The following ADGRB3 variants were observed in gnomAD, a reference collection of about 807,000 sequenced individuals.
ADGRB3 encodes the protein adhesion G protein-coupled receptor B3.
Under a neutral mutation model 193.4 loss-of-function variants are expected in ADGRB3, and 37 were observed. The observed-to-expected ratio is 0.19, with a 90% CI of 0.15 to 0.25. The LOEUF is 0.25. Ranked by LOEUF, ADGRB3 falls within the 10% of genes least tolerant of loss-of-function variation. ADGRB3 has a pLI of 1.00. For missense variants in ADGRB3, 1,637 were observed against 1,852.9 expected (o/e 0.88, Z 2.14); for synonymous variants, 690 against 644.2 (o/e 1.07, Z -1.08).
chr6:68,783,787 T>G (rs1766905905), intron 3 of ADGRB3, among the ~76,000 whole-genome samples: 1 of 152,062 alleles, frequency 6.6e-6, no homozygotes, highest in Non-Finnish European at 1.5e-5. Flanking sequence ...ATACCCAACC[T>G]GCAGAATTAG....
chr6:68,706,162 G>C (rs1272979155), intron 3 of ADGRB3, among the ~76,000 whole-genome samples: 1 of 152,148 alleles, frequency 6.6e-6, no homozygotes, highest in Non-Finnish European at 1.5e-5. Context: ...GTCAAGGATA[G>C]AGTCTTTTTC....
At chr6:69,099,140 T>C (rs1023941750) in intron 17 of ADGRB3, among the ~76,000 whole-genome samples, 2 of 152,342 alleles carry the variant, frequency 1.3e-5, no homozygotes, top group Admixed American at 6.5e-5. Flanking sequence ...GGGATGCCAC[T>C]GACATTTAGT....
chr6:68,653,976 T>C (rs1300860460), intron 3 of ADGRB3, among the ~76,000 whole-genome samples: 1 of 151,996 alleles, frequency 6.6e-6, no homozygotes, highest in Non-Finnish European at 1.5e-5. Context: ...AATTTATAAA[T>C]GTTGGTCTAT....
chr6:69,239,213 A>G lies in ADGRB3; in HGVS notation c.2801A>G (p.Gln934Arg), dbSNP rs1046627138. ...SNILILVGQT[Q>R]THNKSICTTT... ...ATCCTCATACTGGTTGGACAGACTCAGACACATAATAAGGTATGACTGGTA... is the reference window on the plus strand; with the variant it reads ...ATCCTCATACTGGTTGGACAGACTCGGACACATAATAAGGTATGACTGGTA... Residue 934 changes from glutamine to arginine, a missense_variant, in exon 20 of 32, where the codon CAG (glutamine) becomes CGG (arginine). By Grantham distance (43) the Gln-to-Arg change is conservative. Coordinates refer to ENST00000370598, the MANE Select transcript of ADGRB3 (RefSeq NM_001704.3). The G allele has an allele frequency of 2.6e-6, 4 of 1,566,168 alleles. No individual in the cohort carries two copies. In the African/African-American group the frequency reaches 5.4e-5, roughly 21 times the overall value.
At chr6:68,746,979 C>G (rs1582168226) in intron 3 of ADGRB3, among the ~76,000 whole-genome samples, 1 of 152,106 alleles carries the variant, frequency 6.6e-6, no homozygotes, top group East Asian at 1.9e-4. Context: ...CTTACAGCTT[C>G]CATAAGTCAC....
rs762083120 is a variant in ADGRB3, at chr6:68,975,322, C to T, written c.1716C>T (p.Tyr572=). 3 of 1,613,362 alleles carry T rather than the reference C, an allele frequency of 1.9e-6. No individual in the cohort carries two copies. Among genetic ancestry groups the T allele is most frequent in the African/African-American group, 1.3e-5 (1 of 74,884 alleles). ...PSFARCISNE[Y]RHLQHSIKEH... ...TTGCAAGATGCATATCAAATGAGTA[C>T]AGACACTTGCAGCATTCAGTAGGTG... Residue 572 remains tyrosine (Y), a synonymous_variant, in exon 10 of 32, where the codon TAC becomes TAT. Coordinates refer to ENST00000370598, the MANE Select transcript of ADGRB3 (RefSeq NM_001704.3).
At chr6:69,232,745 A>G in intron 17 of ADGRB3, 4 of 852,654 alleles carry the variant, frequency 4.7e-6, no homozygotes, top group Non-Finnish European at 7.2e-6. Flanking sequence ...CAGCTATTCT[A>G]AAAGGAGGAA....
chr6:68,642,203 C>T (rs1238839946), intron 3 of ADGRB3, among the ~76,000 whole-genome samples: 1 of 152,100 alleles, frequency 6.6e-6, no homozygotes, highest in African/African-American at 2.4e-5. Context: ...ATATCTTCAA[C>T]ATGTATTGTA....
chr6:68,939,958 A>T (rs1288908113), intron 5 of ADGRB3, among the ~76,000 whole-genome samples: 1 of 152,202 alleles, frequency 6.6e-6, no homozygotes. Flanking sequence ...GGAGTTATAG[A>T]ATTAGAAGTT....
intron 17 of ADGRB3, among the ~76,000 whole-genome samples, chr6:69,204,792 C>T (rs80322421): frequency 0.04 from 6,067 of 152,026 alleles, 163 homozygotes; most frequent in Non-Finnish European, 0.059. Context: ...TCTCTGACCC[C>T]GTTTCCAAGA....
At chr6:69,245,659 C>T (rs1018103975) in intron 20 of ADGRB3, among the ~76,000 whole-genome samples, 3 of 152,056 alleles carry the variant, frequency 2.0e-5, no homozygotes, top group African/African-American at 7.2e-5. Flanking sequence ...ACCCCAACCC[C>T]ACCTGACTTC....
intron 17 of ADGRB3, among the ~76,000 whole-genome samples, chr6:69,095,720 G>T (rs932060449): frequency 6.6e-6 from 1 of 152,118 alleles, no homozygotes; most frequent in Non-Finnish European, 1.5e-5. Context: ...TCACAAAGTG[G>T]TTTTCAGAAA....
At chr6:69,040,164 G>C (rs1243874508) in intron 13 of ADGRB3, among the ~76,000 whole-genome samples, 1 of 152,104 alleles carries the variant, frequency 6.6e-6, no homozygotes, top group Non-Finnish European at 1.5e-5. Flanking sequence ...TTTGTGTAAA[G>C]TCTTAGTGAC....
chr6:68,940,850 C>A (rs1164889905), intron 5 of ADGRB3, among the ~76,000 whole-genome samples: 2 of 152,142 alleles, frequency 1.3e-5, no homozygotes, highest in Non-Finnish European at 2.9e-5. Flanking sequence ...CGAGATCGTG[C>A]CACTGCACTC....
At chr6:69,365,525 A>G (rs1368508228) in intron 29 of ADGRB3, among the ~76,000 whole-genome samples, 4 of 152,044 alleles carry the variant, frequency 2.6e-5, no homozygotes, top group African/African-American at 7.2e-5. Flanking sequence ...GCTGAAATGT[A>G]AACACCTTAA....
At chr6:68,851,631 A>G (rs1375107912) in intron 3 of ADGRB3, among the ~76,000 whole-genome samples, 5 of 151,870 alleles carry the variant, frequency 3.3e-5, no homozygotes, top group Admixed American at 6.6e-5. Context: ...AATTATAAAT[A>G]TCAAAACATC....
intron 17 of ADGRB3, among the ~76,000 whole-genome samples, chr6:69,193,532 G>A (rs892623897): frequency 6.6e-6 from 1 of 152,026 alleles, no homozygotes; most frequent in South Asian, 2.1e-4. Context: ...AAGACATCAA[G>A]ATTCTGAAAA....
At chr6:68,868,910 G>GTGTGT (rs372367034) in intron 3 of ADGRB3, among the ~76,000 whole-genome samples, 1,759 of 106,472 alleles carry the variant, frequency 0.017, 30 homozygotes, top group East Asian at 0.1. Context: ...TCCAGATAAT[G>GTGTGT]ATGTGTGTGT....
intron 17 of ADGRB3, among the ~76,000 whole-genome samples, chr6:69,202,962 A>T (rs1225299922): frequency 6.6e-6 from 1 of 152,116 alleles, no homozygotes; most frequent in Non-Finnish European, 1.5e-5. Flanking sequence ...GCCAAGTAAT[A>T]AATTAGTCTC....
Sources: allele counts gnomAD v4.1 joint callset (sites outside exome capture counted in the v4.1 genomes callset), GRCh38; gene constraint gnomAD v4.1.1; transcripts MANE v1.5; gene names NCBI Gene and HGNC (gene_info 2026-07-23, HGNC 2026-07-21).